Variants in FANCI observed in about 807,000 individuals in gnomAD.
The protein encoded by FANCI is FA complementation group I, also known as Fanconi anemia group I protein.
FANCI carries 156 observed loss-of-function variants against 176.1 expected under a neutral mutation model. The ratio of observed to expected loss-of-function variants is 0.89; its 90% CI spans 0.78 to 1.01. FANCI has a LOEUF of 1.01. Ranked by LOEUF, FANCI falls within the 50% of genes least tolerant of loss-of-function variation. The pLI, the probability that FANCI is intolerant of heterozygous loss-of-function variation, is 0.00. For synonymous variants in FANCI, 613 were observed against 541.7 expected, an observed-to-expected ratio of 1.13 and a Z score of -1.83; for missense variants, 1,678 against 1,534.1, an observed-to-expected ratio of 1.09 and a Z score of -1.57.
intron 10 of FANCI, among the ~76,000 whole-genome samples, chr15:89,272,493 T>G (rs1244108419): frequency 6.6e-6 from 1 of 152,106 alleles, no homozygotes; most frequent in Non-Finnish European, 1.5e-5. Context: ...TTTGGTGAGG[T>G]CCAGTTTATC....
intron 34 of FANCI, among the ~76,000 whole-genome samples, chr15:89,310,834 C>A (rs1488388172): frequency 6.6e-6 from 1 of 152,212 alleles, no homozygotes; most frequent in African/African-American, 2.4e-5. Context: ...TTAAAAGATG[C>A]TTCTCAAGGG....
chr15:89,274,407 A>G lies in FANCI; in HGVS notation c.1112+103A>G, dbSNP rs555797758. 6.9e-4 allele frequency: 917 copies of G among 1,322,392 alleles called. 16 individuals carry two copies. The South Asian group carries it at 0.011, about 15-fold the overall frequency. 81.9% of individuals were successfully genotyped at this position (1,322,392 alleles called of 1,614,324 possible). On this transcript the variant is annotated intron_variant, in intron 12 of 37. Transcript: ENST00000310775. ...GCCTGTGAGGGGAAACTGATGACTT[A>G]ACAGCTGTTGACGTCACACATCGAG...
chr15:89,248,174 CTG>C (rs1018210317), intron 2 of FANCI, among the ~76,000 whole-genome samples: 1 of 152,164 alleles, frequency 6.6e-6, no homozygotes, highest in African/African-American at 2.4e-5. Context: ...ATTAGGGCCT[CTG>C]TTTTCACTAT....
chr15:89,315,224 G>C, intron 36 of FANCI, 58 bp from the exon 37 acceptor site: 1 of 1,303,534 alleles, frequency 7.7e-7, no homozygotes, highest in Non-Finnish European at 1.1e-6. Context: ...AATGGCTTAA[G>C]CTGTTCTGGC....
chr15:89,288,620 CTTTT>C (rs35459053), intron 18 of FANCI, among the ~76,000 whole-genome samples: 1 of 141,052 alleles, frequency 7.1e-6, no homozygotes, highest in Non-Finnish European at 1.5e-5. Context: ...TCTTCTATTA[CTTTT>C]TTTTTTTTTT....
chr15:89,317,239 T>TG (rs2055301842), downstream of FANCI: 1 of 759,648 alleles, frequency 1.3e-6, no homozygotes, highest in Admixed American at 2.0e-5. Flanking sequence ...GGGCACCTTA[T>TG]AAACTGAAAT....
At chr15:89,281,032 G>A (rs1292685465) in intron 14 of FANCI, 138 bp from the exon 15 acceptor site, 1 of 811,380 alleles carries the variant, frequency 1.2e-6, no homozygotes, top group East Asian at 2.9e-5. Context: ...TATAGAATCA[G>A]TAGAAATTTG....
intron 9 of FANCI, among the ~76,000 whole-genome samples, chr15:89,265,861 A>G (rs2052926991): frequency 6.6e-6 from 1 of 152,118 alleles, no homozygotes; most frequent in Admixed American, 6.5e-5. Context: ...TAGGATGTTC[A>G]TTCTGTGCCA....
intron 26 of FANCI, among the ~76,000 whole-genome samples, chr15:89,300,630 T>C (rs1035267747): frequency 5.9e-5 from 9 of 152,196 alleles, no homozygotes; most frequent in Non-Finnish European, 1.0e-4. Context: ...ACTGTTTGAG[T>C]TGATGTAAAC....
At chr15:89,275,271 T>G (rs2053368668) in intron 12 of FANCI, among the ~76,000 whole-genome samples, 1 of 152,092 alleles carries the variant, frequency 6.6e-6, no homozygotes, top group Non-Finnish European at 1.5e-5. Flanking sequence ...ATTAAGAGTT[T>G]TATTTACTTT....
chr15:89,298,492 G>C (rs1316855162), intron 24 of FANCI, among the ~76,000 whole-genome samples: 2 of 152,088 alleles, frequency 1.3e-5, no homozygotes, highest in South Asian at 2.1e-4. Flanking sequence ...TGCTATTGAG[G>C]AAATTAAAGC....
Position 89,292,756 on chromosome 15 carries a change from G to C in FANCI, c.2061G>C (p.Gln687His). The stretch of plus-strand genomic sequence containing the variant: ...AGAATACAGTCATACCCTTACAGCA[G>C]GGAGAGGAGGAAGAGGAGGAGGAAG... ...WYKNTVIPLQQGEEEEEEEEA... is the reference protein window; with the variant it reads ...WYKNTVIPLQHGEEEEEEEEA... The change falls in exon 21 of 38, where the codon CAG becomes CAC. Residue 687 changes from glutamine (Q) to histidine (H), a missense_variant. Around this residue, in one of 3 missense-constraint regions of FANCI, gnomAD observed 1,204 missense variants for 1,077.4 expected, o/e 1.12. Transcript: ENST00000310775. 6.2e-7 allele frequency: 1 copy of C among 1,614,018 alleles called. No individual in the cohort carries two copies. Among genetic ancestry groups the C allele is most frequent in the Non-Finnish European group, 8.5e-7 (1 of 1,179,994 alleles).
intron 13 of FANCI, among the ~76,000 whole-genome samples, chr15:89,277,468 T>A (rs2053450450): frequency 6.6e-6 from 1 of 151,856 alleles, no homozygotes; most frequent in South Asian, 2.1e-4. Flanking sequence ...ACACAAAAAT[T>A]AGCCAGGTGT....
intron 10 of FANCI, 85 bp downstream of exon 10, chr15:89,268,610 G>T (rs1378455644): frequency 1.3e-6 from 2 of 1,532,586 alleles, no homozygotes; most frequent in Non-Finnish European, 1.8e-6. Flanking sequence ...GTTAATGACA[G>T]GAAATAAATA....
At chr15:89,300,142 T>C (rs2054474021) in intron 25 of FANCI, among the ~76,000 whole-genome samples, 158 bp from the exon 26 acceptor site, 2 of 152,094 alleles carry the variant, frequency 1.3e-5, no homozygotes, top group Admixed American at 6.5e-5. Context: ...CCACAAAGAG[T>C]GGCTGGAAAA....
rs775257359 is a variant in FANCI, at chr15:89,299,952, T to G, written c.2789T>G (p.Phe930Cys). The G allele has an allele frequency of 7.4e-6, 12 of 1,613,906 alleles. No homozygotes were observed. Among genetic ancestry groups the G allele is most frequent in the Non-Finnish European group, 1.0e-5 (12 of 1,179,968 alleles). The change falls in exon 25 of 38, where the codon TTT becomes TGT. Residue 930 changes from phenylalanine to cysteine, a missense_variant. This residue lies in a region of FANCI where 1,204 missense variants were observed against 1,077.4 expected (regional missense o/e 1.12). Transcript: ENST00000310775. ...TTCTATCAGCCCAAGATTCAGCAGT[T>G]TCTCAGAGCTCTGGGTAAGCATTGC... The part of the protein sequence containing the change: ...QQFYQPKIQQ[F>C]LRALDVTDKE...
chr15:89,305,913 C>T, intron 31 of FANCI, 94 bp from the exon 32 acceptor site: 3 of 1,348,108 alleles, frequency 2.2e-6, no homozygotes, highest in Non-Finnish European at 3.2e-6. Flanking sequence ...TCCATAAAGA[C>T]TTTCTAGTTA....
In FANCI at chr15:89,285,145, T is replaced by G; in HGVS notation, c.1748T>G (p.Phe583Cys). The part of the protein sequence containing the change: ...SHYNSVANET[F>C]CLEIMDSLRR... ...TACAATTCTGTCGCCAATGAAACTTTTTGCCTTGAGATCATGGATAGTTTG... is the reference window on the plus strand; with the variant it reads ...TACAATTCTGTCGCCAATGAAACTTGTTGCCTTGAGATCATGGATAGTTTG... The change falls in exon 18 of 38, where the codon TTT becomes TGT. Residue 583 changes from phenylalanine to cysteine, a missense_variant. This residue lies in a region of FANCI where 1,204 missense variants were observed against 1,077.4 expected (regional missense o/e 1.12). Coordinates refer to ENST00000310775, the MANE Select transcript of FANCI (RefSeq NM_001113378.2). 1 of 1,614,170 alleles carries G rather than the reference T, an allele frequency of 6.2e-7. No homozygotes were observed.
chr15:89,266,448 C>T (rs1031955792), intron 9 of FANCI, among the ~76,000 whole-genome samples: 1 of 151,622 alleles, frequency 6.6e-6, no homozygotes, highest in African/African-American at 2.4e-5. Context: ...CCTGCCTCAG[C>T]CTCCCTAGTA....
Sources: allele counts gnomAD v4.1 joint callset (sites outside exome capture counted in the v4.1 genomes callset), GRCh38; gene constraint gnomAD v4.1.1; regional missense constraint gnomAD v4.1.1; transcripts MANE v1.5; gene names NCBI Gene and HGNC (gene_info 2026-07-23, HGNC 2026-07-21).